The following LEPROTL1 variants were observed in gnomAD, a reference collection of about 807,000 sequenced individuals.
The protein encoded by LEPROTL1 is leptin receptor overlapping transcript like 1.
Under a neutral mutation model 15.4 loss-of-function variants are expected in LEPROTL1, and 6 were observed. The ratio of observed to expected loss-of-function variants is 0.39; its 90% CI spans 0.21 to 0.77. The LOEUF (loss-of-function observed/expected upper bound fraction) is 0.77. LEPROTL1 is among the 30% of genes least tolerant of loss of function. The pLI is 0.41. For synonymous variants in LEPROTL1, 56 were observed against 52.6 expected, an observed-to-expected ratio of 1.06 and a Z score of -0.28; for missense variants, 128 against 158.1, an observed-to-expected ratio of 0.81 and a Z score of 1.02.
At chr8:30,115,539 ATTTTTTTTTTTTTT>A (rs71206228) in intron 3 of LEPROTL1, among the ~76,000 whole-genome samples, 3 of 74,356 alleles carry the variant, frequency 4.0e-5, no homozygotes, top group African/African-American at 1.1e-4. Context: ...TGCCTGGCTA[ATTTTTTTTTTTTTT>A]TTTTTTTTTT....
intron 3 of LEPROTL1, among the ~76,000 whole-genome samples, chr8:30,129,534 G>C (rs1025717832): frequency 6.6e-6 from 1 of 151,954 alleles, no homozygotes; most frequent in African/African-American, 2.4e-5. Context: ...GTGAAACCCC[G>C]TCTCTGCTAA....
At chr8:30,128,897 T>A (rs1477246311) in intron 3 of LEPROTL1, among the ~76,000 whole-genome samples, 2 of 11,540 alleles carry the variant, frequency 1.7e-4, no homozygotes, top group African/African-American at 2.1e-4. Flanking sequence ...TCTGTTTTTC[T>A]TTTTTTTTTT....
downstream of LEPROTL1, chr8:30,138,310 ACACTAACATT>A: frequency 2.2e-6 from 1 of 450,718 alleles, no homozygotes; most frequent in Non-Finnish European, 4.1e-6. Flanking sequence ...CTGGGCGGTT[ACACTAACATT>A]CACAACAATC....
rs1802392176 is a variant in LEPROTL1, at chr8:30,097,687, ATATAT to A, written c.16+2160_16+2164del. On this transcript the variant is annotated intron_variant, in intron 1 of 3. Transcript: ENST00000321250. Reference sequence around the variant, plus strand: ...ACTCTGTCTCAAAAAAAAAAAAAATATATATATATATACACACACACACACACACA... The same window carrying A: ...ACTCTGTCTCAAAAAAAAAAAAAATAATATATACACACACACACACACACA... Among the ~76,000 whole-genome samples the A allele has an allele frequency of 1.3e-4, 4 of 30,632 alleles. 1 individual carries two copies. Among genetic ancestry groups the A allele is most frequent in the African/African-American group, 2.4e-4 (4 of 16,394 alleles). 20.1% of individuals were successfully genotyped at this position (30,632 alleles called of 152,430 possible).
intron 2 of LEPROTL1, among the ~76,000 whole-genome samples, chr8:30,103,414 C>T (rs1802503751): frequency 6.6e-6 from 1 of 152,124 alleles, no homozygotes; most frequent in African/African-American, 2.4e-5. Flanking sequence ...TTTTCTTAAG[C>T]ATATATTCAA....
chr8:30,117,959 A>G (rs1386703978), intron 3 of LEPROTL1, among the ~76,000 whole-genome samples: 2 of 152,086 alleles, frequency 1.3e-5, no homozygotes, highest in Non-Finnish European at 2.9e-5. Flanking sequence ...AGGCTATAAA[A>G]TAGAAATTAG....
chr8:30,105,682 A>ATTT, intron 3 of LEPROTL1, 64 bp from the exon 4 acceptor site: 5 of 1,215,008 alleles, frequency 4.1e-6, no homozygotes, highest in Admixed American at 2.2e-5. Flanking sequence ...TAGAGCCTTG[A>ATTT]TTTTTTTTTT....
In LEPROTL1 at chr8:30,105,729, G is replaced by T; in HGVS notation, c.280-17G>T. On this transcript the variant is annotated splice_polypyrimidine_tract_variant and intron_variant, in intron 3 of 3. Coordinates refer to ENST00000321250, the MANE Select transcript of LEPROTL1 (RefSeq NM_015344.3). Reference sequence around the variant, plus strand: ...CGTTTTTCATGCCTGTTGACTGAGTGTATCTTATTTCCATAGATTGAGTGG... The same window carrying T: ...CGTTTTTCATGCCTGTTGACTGAGTTTATCTTATTTCCATAGATTGAGTGG... 6.3e-7 allele frequency: 1 copy of T among 1,592,920 alleles called. No homozygotes were observed. Among genetic ancestry groups the T allele is most frequent in the South Asian group, 1.1e-5 (1 of 89,256 alleles).
chr8:30,102,592 C>T (rs187297827), intron 2 of LEPROTL1, among the ~76,000 whole-genome samples: 348 of 149,644 alleles, frequency 2.3e-3, no homozygotes, highest in African/African-American at 7.7e-3. Flanking sequence ...ATGGAGGTTG[C>T]GGTGAGCCAA....
At chr8:30,136,482 CT>C (rs1803142440) in intron 4 of LEPROTL1, among the ~76,000 whole-genome samples, 2 of 152,306 alleles carry the variant, frequency 1.3e-5, no homozygotes, top group African/African-American at 4.8e-5. Context: ...GTCTGTGGCA[CT>C]GTGTGATGGC....
intron 3 of LEPROTL1, 36 bp downstream of exon 3, chr8:30,104,522 T>G: frequency 7.0e-7 from 1 of 1,422,402 alleles, no homozygotes; most frequent in Non-Finnish European, 9.5e-7. Context: ...TGATTTTATA[T>G]TGAACATGTG....
At chr8:30,119,142 C>G (rs1802787676) in intron 3 of LEPROTL1, among the ~76,000 whole-genome samples, 1 of 152,190 alleles carries the variant, frequency 6.6e-6, no homozygotes. Flanking sequence ...ATGGTGATGA[C>G]TTTTACCAAG....
intron 3 of LEPROTL1, among the ~76,000 whole-genome samples, chr8:30,123,099 G>A (rs1802854274): frequency 6.6e-6 from 1 of 152,132 alleles, no homozygotes. Context: ...TAGTATGAAG[G>A]CCAGGGGTCT....
intron 3 of LEPROTL1, among the ~76,000 whole-genome samples, chr8:30,130,915 G>T (rs1368536451): frequency 6.6e-6 from 1 of 151,498 alleles, no homozygotes; most frequent in Non-Finnish European, 1.5e-5. Flanking sequence ...AAGTAGCTGG[G>T]ACTATAGGCG....
At chr8:30,113,170 G>A (rs893237550), downstream of LEPROTL1, among the ~76,000 whole-genome samples, 6 of 151,606 alleles carry the variant, frequency 4.0e-5, no homozygotes, top group Non-Finnish European at 7.4e-5. Flanking sequence ...CAGCTACTCC[G>A]GAAGCTGCGG....
chr8:30,115,519 C>G (rs540053568), intron 3 of LEPROTL1, among the ~76,000 whole-genome samples: 1 of 148,160 alleles, frequency 6.7e-6, no homozygotes, highest in African/African-American at 2.5e-5. Context: ...ACTACAGGCA[C>G]GCACCACCAT....
intron 1 of LEPROTL1, among the ~76,000 whole-genome samples, chr8:30,099,044 G>A (rs1802418501): frequency 6.6e-6 from 1 of 152,074 alleles, no homozygotes; most frequent in African/African-American, 2.4e-5. Context: ...GCCTTCCCTG[G>A]CCACTGTATC....
At chr8:30,102,339 A>AG (rs1802480563) in intron 2 of LEPROTL1, among the ~76,000 whole-genome samples, 2 of 151,614 alleles carry the variant, frequency 1.3e-5, no homozygotes, top group South Asian at 2.1e-4. Flanking sequence ...CAATTAAAAA[A>AG]AAAGAGAGAG....
downstream of LEPROTL1, chr8:30,108,564 TATC>T (rs1170234108): frequency 1.3e-5 from 2 of 152,208 alleles, no homozygotes; most frequent in African/African-American, 4.8e-5. Flanking sequence ...ATTATAATCT[TATC>T]ATATACTTTA....
Sources: allele counts gnomAD v4.1 joint callset (sites outside exome capture counted in the v4.1 genomes callset), GRCh38; gene constraint gnomAD v4.1.1; transcripts MANE v1.5; gene names NCBI Gene and HGNC (gene_info 2026-07-23, HGNC 2026-07-21).